XPO5: variants seen among roughly 807,000 people sequenced by gnomAD.
The protein encoded by XPO5 is exportin-5.
A neutral mutation model predicts 160.6 loss-of-function variants in XPO5; 46 were observed. The observed-to-expected ratio is 0.29, with a 90% CI of 0.23 to 0.37. The LOEUF is 0.37. Among genes scored for constraint, XPO5 ranks in the 10% least tolerant of loss-of-function variants. XPO5 has a pLI of 1.00. For missense variants in XPO5, 1,090 were observed against 1,463.9 expected (o/e 0.74, Z 4.17); for synonymous variants, 537 against 519.3 (o/e 1.03, Z -0.46).
Position 43,570,527 on chromosome 6 carries a change from T to C in XPO5, c.596A>G (p.Glu199Gly). The stretch of plus-strand genomic sequence containing the variant: ...CACTTGCTGATACTTGTTTACATTT[T>C]CTTGAAGTGTGTTAAGCAGAAAACT... ...IFSFLLNTLQ[E>G]NVNKYQQVKT... is the part of the protein sequence containing the mutation. The change falls in exon 5 of 32, where the codon GAA (glutamate) becomes GGA (glycine). Residue 199 changes from glutamate (E) to glycine (G), a missense_variant. Around this residue, in one of 3 missense-constraint regions of XPO5, gnomAD observed 110 missense variants for 97.9 expected, o/e 1.12. Transcript: ENST00000265351. 4 of 1,613,622 alleles carry C rather than the reference T, an allele frequency of 2.5e-6. No homozygotes were observed. Among genetic ancestry groups the C allele is most frequent in the Non-Finnish European group, 3.4e-6 (4 of 1,179,772 alleles).
chr6:43,539,972 G>A (rs1794598483), intron 20 of XPO5, among the ~76,000 whole-genome samples: 4 of 152,326 alleles, frequency 2.6e-5, no homozygotes, highest in Admixed American at 2.0e-4. Context: ...ATAGAAGACG[G>A]GGCTGGGCAC....
rs765777749 is a variant in XPO5 at position 43,531,527 on chromosome 6, G to T, written c.2492C>A (p.Thr831Asn). 7.4e-6 allele frequency: 12 copies of T among 1,613,844 alleles called. No individual in the cohort carries two copies. The highest frequency in any genetic ancestry group is 1.3e-5 in the African/African-American group (1 of 74,922). ...GAAACGCTGCATTCTTTCCAAGACG[G>T]TTTTGAAGACAGGAGAGTCATTGAG... ...LELNDSPVFKTVLERMQRFFS... is the reference protein window; with the variant it reads ...LELNDSPVFKNVLERMQRFFS... Residue 831 changes from threonine to asparagine, a missense_variant, in exon 22 of 32, where the codon ACC becomes AAC. This residue lies in a region of XPO5 where 810 missense variants were observed against 1,139.0 expected (regional missense o/e 0.71). Coordinates refer to ENST00000265351, the MANE Select transcript of XPO5 (RefSeq NM_020750.3).
chr6:43,551,147 T>C (rs1582225693), intron 15 of XPO5, 151 bp downstream of exon 15: 2 of 719,466 alleles, frequency 2.8e-6, no homozygotes, highest in East Asian at 3.0e-5. Flanking sequence ...TCTCAGCTAC[T>C]CAGAAGGGTG....
chr6:43,536,747 G>A (rs1220983585), intron 20 of XPO5, among the ~76,000 whole-genome samples: 2 of 103,376 alleles, frequency 1.9e-5, no homozygotes, highest in African/African-American at 8.5e-5. Flanking sequence ...ACGACAGAGT[G>A]AGACTCTATC....
intron 7 of XPO5, 32 bp from the exon 8 acceptor site, chr6:43,565,768 T>C: frequency 6.6e-7 from 1 of 1,510,376 alleles, no homozygotes; most frequent in Non-Finnish European, 9.0e-7. Context: ...CATAGTCATA[T>C]AAACTATACT....
rs1762742433 is a variant in XPO5, at chr6:43,567,253, G to T, written c.750C>A (p.Leu250=). The change falls in exon 7 of 32, where the codon CTC becomes CTA. Residue 250 remains leucine, a synonymous_variant. Coordinates refer to ENST00000265351, the MANE Select transcript of XPO5 (RefSeq NM_020750.3). ...MSHITAENCK[L]LEILCLLLNE... is the part of the protein sequence containing the mutation. ...TCAACAGCAAACACAGTATCTCCAG[G>T]AGTTTACAGTTTTCAGCAGTGATGT... 1 of 1,613,956 alleles carries T rather than the reference G, an allele frequency of 6.2e-7. No individual in the cohort carries two copies. Among genetic ancestry groups the T allele is most frequent in the Non-Finnish European group, 8.5e-7 (1 of 1,179,876 alleles).
At position 43,555,925 on chromosome 6, in the gene XPO5, C is replaced by T; in HGVS notation, c.1352G>A (p.Cys451Tyr). Residue 451 changes from cysteine to tyrosine, a missense_variant, in exon 13 of 32, where the codon TGT becomes TAT. Coordinates refer to ENST00000265351, the MANE Select transcript of XPO5 (RefSeq NM_020750.3). ...GAAGCTAGTTTTGGGATCCAAACGA[C>T]ATGCCAACCTCATCACCTCTCCTTG... ...AQQGEVMRLA[C>Y]RLDPKTSFQM... 6.2e-7 allele frequency: 1 copy of T among 1,613,992 alleles called. No individual in the cohort carries two copies. Among genetic ancestry groups the T allele is most frequent in the Non-Finnish European group, 8.5e-7 (1 of 1,179,876 alleles).
chr6:43,573,386 T>C, intron 2 of XPO5, 94 bp downstream of exon 2: 1 of 1,506,090 alleles, frequency 6.6e-7, no homozygotes, highest in Non-Finnish European at 9.0e-7. Flanking sequence ...GAGATTGCTC[T>C]TCTCTACTCA....
intron 23 of XPO5, 51 bp from the exon 24 acceptor site, chr6:43,528,976 T>A: frequency 6.5e-7 from 1 of 1,538,216 alleles, no homozygotes; most frequent in Non-Finnish European, 8.8e-7. Context: ...ATCTCTCACC[T>A]GCCAGGTGGT....
chr6:43,548,220 G>A (rs746287395), intron 18 of XPO5, 41 bp downstream of exon 18: 37 of 1,519,578 alleles, frequency 2.4e-5, no homozygotes, highest in Non-Finnish European at 3.1e-5. Context: ...CAAAATGGGT[G>A]CTTGAGTATA....
intron 20 of XPO5, among the ~76,000 whole-genome samples, chr6:43,534,663 AC>A (rs1794204851): frequency 6.6e-6 from 1 of 152,144 alleles, no homozygotes; most frequent in Non-Finnish European, 1.5e-5. Flanking sequence ...CATCTTTTAG[AC>A]CATGTTTAAA....
intron 31 of XPO5, 75 bp downstream of exon 31, chr6:43,524,396 C>G (rs1361927132): frequency 1.4e-6 from 2 of 1,448,792 alleles, no homozygotes; most frequent in Non-Finnish European, 1.9e-6. Flanking sequence ...TCAATAACTA[C>G]AGCTGGTTTA....
intron 23 of XPO5, among the ~76,000 whole-genome samples, chr6:43,530,451 A>C (rs1331513051): frequency 6.6e-6 from 1 of 152,102 alleles, no homozygotes; most frequent in Non-Finnish European, 1.5e-5. Flanking sequence ...TATCTGTAAT[A>C]ATTCCGAGAA....
At chr6:43,572,377 TA>T in intron 3 of XPO5, 128 bp downstream of exon 3, 3 of 909,986 alleles carry the variant, frequency 3.3e-6, no homozygotes, top group Non-Finnish European at 5.2e-6. Flanking sequence ...GTGCCTGGCC[TA>T]AATTATGATT....
At chr6:43,568,609 A>G in intron 6 of XPO5, 102 bp downstream of exon 6, 1 of 1,101,166 alleles carries the variant, frequency 9.1e-7, no homozygotes, top group Non-Finnish European at 1.3e-6. Context: ...TCTCCAAAAC[A>G]ATACAACACA....
chr6:43,557,539 A>T (rs1035548971), intron 12 of XPO5, among the ~76,000 whole-genome samples: 1 of 152,156 alleles, frequency 6.6e-6, no homozygotes, highest in African/African-American at 2.4e-5. Context: ...ATTTATATGA[A>T]ACGTTCAGAA....
chr6:43,531,797 CT>C lies in XPO5; in HGVS notation c.2444-223del, dbSNP rs112626043. Among the ~76,000 whole-genome samples, 5,019 of 149,992 alleles carry C rather than the reference CT, an allele frequency of 0.033. 268 individuals carry two copies. The highest frequency in any genetic ancestry group is 0.11 in the African/African-American group (4,609 of 41,298). On this transcript the variant is annotated intron_variant, in intron 21 of 31. Coordinates refer to ENST00000265351, the MANE Select transcript of XPO5 (RefSeq NM_020750.3). ...TTAGACCCGGGTACTCTTTTATCTG[CT>C]TTTTTTTTTCCCCCAGATGGAACCT...
In XPO5 at chr6:43,566,721, A is replaced by G; in HGVS notation, c.834+448T>C. On this transcript the variant is annotated intron_variant, in intron 7 of 31. Coordinates refer to ENST00000265351, the MANE Select transcript of XPO5 (RefSeq NM_020750.3). Reference sequence around the variant, plus strand: ...GCTACTCGGGAAGCTGAGGCAGGAGAATCGCTTGAACCCGGAAGGCGGACG... The same window carrying G: ...GCTACTCGGGAAGCTGAGGCAGGAGGATCGCTTGAACCCGGAAGGCGGACG... The G allele has an allele frequency of 1.0e-5, 3 of 293,066 alleles. No homozygotes were observed. In the East Asian group the frequency reaches 3.1e-4, roughly 30 times the overall value. 18.2% of individuals were successfully genotyped at this position (293,066 alleles called of 1,614,324 possible). A position where few individuals can be genotyped will look rare whatever the true frequency, so the allele number is the denominator to read the frequency against.
Position 43,555,893 on chromosome 6 carries a change from C to A in XPO5, c.1384G>T (p.Ala462Ser), listed in dbSNP as rs372441079. 24 of 1,614,008 alleles carry A rather than the reference C, an allele frequency of 1.5e-5. No individual in the cohort carries two copies. The African/African-American group carries it at 3.1e-4, about 21-fold the overall frequency. ...RLDPKTSFQM[A>S]GEWLKYQLST... ...AGTTGATACTTTAGCCACTCCCCAG[C>A]CATCTGGAAGCTAGTTTTGGGATCC... The change falls in exon 13 of 32, where the codon GCT (alanine) becomes TCT (serine). Residue 462 changes from alanine to serine, a missense_variant. Ala to Ser is a moderately conservative substitution (Grantham distance 99). This residue lies in a region of XPO5 where 810 missense variants were observed against 1,139.0 expected (regional missense o/e 0.71). Coordinates refer to ENST00000265351, the MANE Select transcript of XPO5 (RefSeq NM_020750.3).
Sources: allele counts gnomAD v4.1 joint callset (sites outside exome capture counted in the v4.1 genomes callset), GRCh38; gene constraint gnomAD v4.1.1; regional missense constraint gnomAD v4.1.1; transcripts MANE v1.5; gene names NCBI Gene and HGNC (gene_info 2026-07-23, HGNC 2026-07-21).